Variants in PALS2 observed in about 807,000 individuals in gnomAD.
PALS2 encodes the protein protein PALS2.
A neutral mutation model predicts 61.6 loss-of-function variants in PALS2; 27 were observed. That is an observed-to-expected ratio of 0.44 (90% confidence interval 0.32 to 0.60). PALS2 has a LOEUF of 0.60. Among genes scored for constraint, PALS2 ranks in the 20% least tolerant of loss-of-function variants. The pLI is 0.05. For synonymous variants in PALS2, 236 were observed against 218.6 expected (o/e 1.08, Z -0.70); for missense variants, 554 against 639.4 (o/e 0.87, Z 1.44).
At chr7:24,680,557 C>A (rs756706765) in intron 11 of PALS2, 37 bp downstream of exon 11, 5 of 1,587,886 alleles carry the variant, frequency 3.1e-6, no homozygotes, top group Middle Eastern at 1.7e-4. Flanking sequence ...TAAAATCTTT[C>A]CTTTTCTTTT....
At chr7:24,684,352 C>G (rs1340870672) in intron 11 of PALS2, among the ~76,000 whole-genome samples, 1 of 152,160 alleles carries the variant, frequency 6.6e-6, no homozygotes, top group Non-Finnish European at 1.5e-5. Context: ...TACCTCCTTT[C>G]TGTGTATTTA....
At chr7:24,602,369 G>T (rs1783751192) in intron 1 of PALS2, among the ~76,000 whole-genome samples, 1 of 151,996 alleles carries the variant, frequency 6.6e-6, no homozygotes, top group Non-Finnish European at 1.5e-5. Context: ...AGTATCCCAA[G>T]ATTCTTAGCT....
At chr7:24,633,170 T>C (rs2721788) in intron 2 of PALS2, among the ~76,000 whole-genome samples, 11,147 of 152,172 alleles carry the variant, frequency 0.073, 496 homozygotes, top group African/African-American at 0.12. Flanking sequence ...GCACTCGTCT[T>C]TATATCAACC....
intron 1 of PALS2, among the ~76,000 whole-genome samples, chr7:24,610,119 T>C (rs543042958): frequency 6.6e-6 from 1 of 152,256 alleles, no homozygotes; most frequent in Non-Finnish European, 1.5e-5. Context: ...ATACTAATAA[T>C]GCAGTAGGAA....
intron 1 of PALS2, among the ~76,000 whole-genome samples, chr7:24,584,003 A>G (rs1486124286): frequency 6.7e-5 from 10 of 150,350 alleles, no homozygotes; most frequent in South Asian, 2.1e-4. Context: ...ATCATTTTTT[A>G]TGGCTGCATA....
At chr7:24,577,020 A>G (rs1782665533) in intron 1 of PALS2, among the ~76,000 whole-genome samples, 1 of 152,160 alleles carries the variant, frequency 6.6e-6, no homozygotes, top group Admixed American at 6.5e-5. Flanking sequence ...TGTCCAATTC[A>G]ATAATAATGA....
At chr7:24,661,459 A>G (rs935884028) in intron 5 of PALS2, among the ~76,000 whole-genome samples, 1 of 152,200 alleles carries the variant, frequency 6.6e-6, no homozygotes, top group African/African-American at 2.4e-5. Context: ...AATTTGGACT[A>G]TCTTGTAAAG....
At chr7:24,592,943 A>G (rs575538277) in intron 1 of PALS2, among the ~76,000 whole-genome samples, 2 of 152,064 alleles carry the variant, frequency 1.3e-5, no homozygotes, top group East Asian at 3.9e-4. Context: ...AAAATAAGAC[A>G]GATATAAAGT....
At chr7:24,637,592 A>G (rs1158112397) in intron 2 of PALS2, among the ~76,000 whole-genome samples, 1 of 152,178 alleles carries the variant, frequency 6.6e-6, no homozygotes, top group Non-Finnish European at 1.5e-5. Context: ...GATAGAAACA[A>G]AATTTATGAT....
At chr7:24,623,872 G>A (rs1784625016) in intron 2 of PALS2, 88 bp downstream of exon 2, 1 of 1,114,016 alleles carries the variant, frequency 9.0e-7, no homozygotes, top group East Asian at 2.5e-5. Context: ...TTAGAATTTG[G>A]TTGATATACA....
At chr7:24,661,500 G>C (rs375629696) in intron 5 of PALS2, among the ~76,000 whole-genome samples, 5 of 152,104 alleles carry the variant, frequency 3.3e-5, no homozygotes, top group South Asian at 4.1e-4. Context: ...AATATATTCT[G>C]TTCCACACAT....
chr7:24,610,520 A>G (rs1273174177), intron 1 of PALS2, among the ~76,000 whole-genome samples: 1 of 152,180 alleles, frequency 6.6e-6, no homozygotes, highest in African/African-American at 2.4e-5. Flanking sequence ...TCTTTGATTC[A>G]ATGAAATATT....
chr7:24,584,832 T>C (rs1467752710), intron 1 of PALS2, among the ~76,000 whole-genome samples: 1 of 151,822 alleles, frequency 6.6e-6, no homozygotes, highest in Non-Finnish European at 1.5e-5. Flanking sequence ...CTTGAATTAA[T>C]TTTTGTATAA....
intron 1 of PALS2, among the ~76,000 whole-genome samples, chr7:24,601,947 C>T (rs925829654): frequency 6.6e-6 from 1 of 152,046 alleles, no homozygotes; most frequent in Non-Finnish European, 1.5e-5. Context: ...GCTCAGTGTA[C>T]TCCAGCAACT....
chr7:24,660,754 G>T (rs552366481), intron 5 of PALS2, among the ~76,000 whole-genome samples: 4 of 152,290 alleles, frequency 2.6e-5, no homozygotes, highest in Non-Finnish European at 5.9e-5. Flanking sequence ...GGATTACTAG[G>T]TCAGAGGGTT....
intron 1 of PALS2, among the ~76,000 whole-genome samples, chr7:24,583,740 C>A (rs1337221674): frequency 6.6e-6 from 1 of 151,062 alleles, no homozygotes; most frequent in South Asian, 2.1e-4. Flanking sequence ...ATACATGTGC[C>A]ATGCTGGTGT....
chr7:24,624,101 C>T, intron 2 of PALS2: 1 of 1,319,564 alleles, frequency 7.6e-7, no homozygotes, highest in Non-Finnish European at 1.0e-6. Flanking sequence ...CCATTTTCAA[C>T]AATGGCAAAG....
intron 5 of PALS2, 99 bp from the exon 6 acceptor site, chr7:24,663,491 T>C: frequency 8.7e-7 from 1 of 1,153,388 alleles, no homozygotes; most frequent in Admixed American, 3.1e-5. Flanking sequence ...CTAAATACAT[T>C]GTCAGTTACA....
intron 5 of PALS2, among the ~76,000 whole-genome samples, chr7:24,652,975 A>C (rs946573899): frequency 1.3e-5 from 2 of 152,198 alleles, no homozygotes; most frequent in Non-Finnish European, 1.5e-5. Flanking sequence ...AAGTTCTTCA[A>C]CTTTCTTATA....
Sources: allele counts gnomAD v4.1 joint callset (sites outside exome capture counted in the v4.1 genomes callset), GRCh38; gene constraint gnomAD v4.1.1; transcripts MANE v1.5; gene names NCBI Gene and HGNC (gene_info 2026-07-23, HGNC 2026-07-21).